The following DTHD1 variants were observed in gnomAD, a reference collection of about 807,000 sequenced individuals.
DTHD1 encodes death domain containing 1.
DTHD1 carries 59 observed loss-of-function variants against 74.8 expected under a neutral mutation model. The ratio of observed to expected loss-of-function variants is 0.79; its 90% CI spans 0.64 to 0.98. The LOEUF (loss-of-function observed/expected upper bound fraction) is 0.98, where lower values mean the gene tolerates loss of function less well. Among genes scored for constraint, DTHD1 ranks in the 50% least tolerant of loss-of-function variants. DTHD1 has a pLI of 0.00. For synonymous variants in DTHD1, 365 were observed against 371.1 expected (o/e 0.98, Z 0.19); for missense variants, 1,051 against 1,065.4 (o/e 0.99, Z 0.19).
At chr4:36,296,130 G>T (rs777731371) in intron 5 of DTHD1, among the ~76,000 whole-genome samples, 2 of 152,072 alleles carry the variant, frequency 1.3e-5, no homozygotes, top group Non-Finnish European at 2.9e-5. Context: ...AATCAATCTG[G>T]TATCAGTTTT....
chr4:36,314,808 T>G (rs1219478793), intron 7 of DTHD1, among the ~76,000 whole-genome samples: 1 of 150,414 alleles, frequency 6.6e-6, no homozygotes, highest in East Asian at 2.0e-4. Flanking sequence ...TCCTGCCTCT[T>G]ATCATTTGCT....
At chr4:36,305,415 C>A (rs1756985277) in intron 5 of DTHD1, among the ~76,000 whole-genome samples, 1 of 152,160 alleles carries the variant, frequency 6.6e-6, no homozygotes, top group South Asian at 2.1e-4. Context: ...AAAGGAGAGA[C>A]CCCTTATAAA....
chr4:36,283,830 C>A (rs1755536355), intron 1 of DTHD1, 146 bp from the exon 2 acceptor site: 5 of 616,866 alleles, frequency 8.1e-6, no homozygotes, highest in Non-Finnish European at 1.4e-5. Context: ...AATTACTTCT[C>A]CTTCAGGAGT....
chr4:36,316,128 G>C (rs59313146), intron 7 of DTHD1, 114 bp from the exon 8 acceptor site: 36,568 of 936,358 alleles, frequency 0.039, 1,169 homozygotes, highest in South Asian at 0.13. Context: ...GTAGAGACGG[G>C]GTTTCACCAT....
intron 5 of DTHD1, 133 bp from the exon 6 acceptor site, chr4:36,306,058 A>G: frequency 1.1e-6 from 1 of 898,394 alleles, no homozygotes; most frequent in Non-Finnish European, 1.7e-6. Context: ...TCCTGGTGCA[A>G]AGCATAATTC....
intron 8 of DTHD1, among the ~76,000 whole-genome samples, chr4:36,331,649 C>T (rs1357357056): frequency 1.3e-5 from 2 of 152,136 alleles, no homozygotes; most frequent in Non-Finnish European, 2.9e-5. Context: ...CTAATTGCCA[C>T]AGATATCACA....
chr4:36,283,929 G>T (rs941569621), intron 1 of DTHD1, 47 bp from the exon 2 acceptor site: 2 of 1,318,666 alleles, frequency 1.5e-6, no homozygotes, highest in Non-Finnish European at 2.1e-6. Context: ...ACATAATTTG[G>T]TTTAGTTTTG....
At chr4:36,283,677 T>C (rs959592772) in intron 1 of DTHD1, among the ~76,000 whole-genome samples, 3 of 152,226 alleles carry the variant, frequency 2.0e-5, no homozygotes, top group African/African-American at 4.8e-5. Context: ...TCAGTTCTTA[T>C]TGGGGGAGCA....
At chr4:36,304,548 T>G (rs1756941683) in intron 5 of DTHD1, among the ~76,000 whole-genome samples, 1 of 152,200 alleles carries the variant, frequency 6.6e-6, no homozygotes, top group Admixed American at 6.5e-5. Context: ...AACTAGAGTG[T>G]AACTCTAGTT....
chr4:36,340,384 G>A (rs1248433720), intron 9 of DTHD1, among the ~76,000 whole-genome samples: 1 of 152,206 alleles, frequency 6.6e-6, no homozygotes, highest in East Asian at 1.9e-4. Context: ...CAAGGAAGAA[G>A]CTAGGTAGGA....
At chr4:36,302,941 T>C (rs1471347452) in intron 5 of DTHD1, among the ~76,000 whole-genome samples, 1 of 152,192 alleles carries the variant, frequency 6.6e-6, no homozygotes, top group East Asian at 1.9e-4. Flanking sequence ...ATCCTGAAAG[T>C]AAAATACAAT....
Position 36,290,362 on chromosome 4 carries a change from T to TC in DTHD1, c.888-6dup. On this transcript the variant is annotated splice_polypyrimidine_tract_variant and intron_variant, in intron 2 of 9. Coordinates refer to ENST00000639862, the MANE Select transcript of DTHD1 (RefSeq NM_001170700.3). Reference sequence around the variant, plus strand: ...ATAATTGGAAAAATGACATTCTTTTTCCCCCTCCAGGTATCTTGATGTGCT... The same window carrying TC: ...ATAATTGGAAAAATGACATTCTTTTTCCCCCCTCCAGGTATCTTGATGTGCT... The TC allele has an allele frequency of 2.6e-6, 4 of 1,532,942 alleles. No homozygotes were observed. Among genetic ancestry groups the TC allele is most frequent in the Non-Finnish European group, 3.5e-6 (4 of 1,137,404 alleles). 95.0% of individuals were successfully genotyped at this position (1,532,942 alleles called of 1,614,324 possible). A position where few individuals can be genotyped will look rare whatever the true frequency, so the allele number is the denominator to read the frequency against.
At chr4:36,325,239 C>A (rs958669729) in intron 8 of DTHD1, among the ~76,000 whole-genome samples, 2 of 152,166 alleles carry the variant, frequency 1.3e-5, no homozygotes, top group Admixed American at 1.3e-4. Flanking sequence ...CACATGCAAA[C>A]CAGAGACCCT....
In DTHD1 at chr4:36,347,074, T is replaced by C. The variant is rs1759625248; in HGVS notation, c.*3250T>C. The stretch of plus-strand genomic sequence containing the variant: ...CCTTTCTTATGCTCCTAGCAACGTA[T>C]ACATGTATTTTATTTCCCAGAATGG... On this transcript the variant is annotated 3_prime_UTR_variant, in exon 10 of 10. Coordinates refer to ENST00000639862, the MANE Select transcript of DTHD1 (RefSeq NM_001170700.3). 6.6e-6 allele frequency among the ~76,000 whole-genome samples: 1 copy of C among 152,208 alleles called. No individual in the cohort carries two copies. The highest frequency in any genetic ancestry group is 6.5e-5 in the Admixed American group (1 of 15,274).
At chr4:36,292,420 A>T (rs1194665667) in intron 3 of DTHD1, among the ~76,000 whole-genome samples, 1 of 152,322 alleles carries the variant, frequency 6.6e-6, no homozygotes, top group East Asian at 1.9e-4. Flanking sequence ...AACATTTTAA[A>T]CTTTGGATTA....
At chr4:36,295,617 G>A (rs898948196) in intron 5 of DTHD1, among the ~76,000 whole-genome samples, 2 of 152,034 alleles carry the variant, frequency 1.3e-5, no homozygotes, top group African/African-American at 4.8e-5. Flanking sequence ...AAGGAAGAGA[G>A]AGAGAGCATC....
chr4:36,288,583 T>G (rs186588761), intron 2 of DTHD1, among the ~76,000 whole-genome samples: 71 of 152,352 alleles, frequency 4.7e-4, no homozygotes, highest in African/African-American at 1.6e-3. Context: ...TCAGTTTATA[T>G]TTTTGTAAGC....
In DTHD1 at chr4:36,344,205, G is replaced by A. The variant is rs1393387008; in HGVS notation, c.*381G>A. 1.1e-5 allele frequency: 2 copies of A among 178,448 alleles called. No homozygotes were observed. Among genetic ancestry groups the A allele is most frequent in the Non-Finnish European group, 2.4e-5 (2 of 83,176 alleles). The allele number at this position is 178,448 out of a possible 1,614,324, so 11.1% of individuals were successfully genotyped here. On this transcript the variant is annotated 3_prime_UTR_variant, in exon 10 of 10. Transcript: ENST00000639862. ...AAACTAGTTTTCTGTGACTTCAAGT[G>A]TGAGCCCAAAAATATCTGAGACAGT...
intron 7 of DTHD1, among the ~76,000 whole-genome samples, chr4:36,308,983 G>A (rs989578734): frequency 7.4e-6 from 1 of 135,776 alleles, no homozygotes; most frequent in Non-Finnish European, 1.6e-5. Flanking sequence ...CTGGGGGTCA[G>A]TGGACTCCCA....
Sources: allele counts gnomAD v4.1 joint callset (sites outside exome capture counted in the v4.1 genomes callset), GRCh38; gene constraint gnomAD v4.1.1; transcripts MANE v1.5; gene names NCBI Gene and HGNC (gene_info 2026-07-23, HGNC 2026-07-21).